Variants in DACH2 observed in about 807,000 individuals in gnomAD.
DACH2 encodes the protein dachshund homolog 2.
A neutral mutation model predicts 35.8 loss-of-function variants in DACH2; 17 were observed. That is an observed-to-expected ratio of 0.48 (90% CI 0.33 to 0.71). The LOEUF (loss-of-function observed/expected upper bound fraction) is 0.71. Ranked by LOEUF, DACH2 falls within the 30% of genes least tolerant of loss-of-function variation. The pLI, the probability that DACH2 is intolerant of heterozygous loss-of-function variation, is 0.02. For synonymous variants in DACH2, 195 were observed against 177.3 expected (o/e 1.10, Z -0.79); for missense variants, 469 against 472.7 (o/e 0.99, Z 0.07).
intron 1 of DACH2, among the ~76,000 whole-genome samples, chrX:86,335,046 T>C (rs985541326): frequency 8.9e-6 from 1 of 111,851 alleles, no homozygotes; most frequent in Non-Finnish European, 1.9e-5. Flanking sequence ...TTTGATCAGG[T>C]TTGTCAAAGA....
chrX:86,209,565 C>G (rs568620062), intron 1 of DACH2, among the ~76,000 whole-genome samples: 4 of 111,585 alleles, frequency 3.6e-5, no homozygotes, highest in South Asian at 7.5e-4. Context: ...CTCAGGATAT[C>G]CTCATTGTTT....
intron 1 of DACH2, among the ~76,000 whole-genome samples, chrX:86,224,758 C>T (rs1361460966): frequency 9.0e-6 from 1 of 111,323 alleles, no homozygotes; most frequent in Non-Finnish European, 1.9e-5. Flanking sequence ...TCATTTTACA[C>T]AGCTTAAGAA....
intron 3 of DACH2, among the ~76,000 whole-genome samples, chrX:86,549,346 A>G (rs1210016829): frequency 9.0e-6 from 1 of 111,462 alleles, no homozygotes; most frequent in Non-Finnish European, 1.9e-5. Flanking sequence ...AGCACAGTTT[A>G]GATCCATAAG....
At chrX:86,313,787 C>T (rs186334391) in intron 1 of DACH2, among the ~76,000 whole-genome samples, 1 of 111,575 alleles carries the variant, frequency 9.0e-6, no homozygotes, top group African/African-American at 3.3e-5. Flanking sequence ...TTGGACTTCA[C>T]TTTATTGTGC....
chrX:86,707,986 T>G lies in DACH2; in HGVS notation c.932-6562T>G, dbSNP rs770709444. ...CAAGTATGCAACGGTAGCTCAACAT[T>G]GGAAAATCAATTGATGTAATCTATT... On this transcript the variant is annotated intron_variant, in intron 5 of 11. Coordinates refer to ENST00000373125, the MANE Select transcript of DACH2 (RefSeq NM_053281.3). 2.9e-5 allele frequency among the ~76,000 whole-genome samples: 3 copies of G among 104,991 alleles called. No individual in the cohort carries two copies. In the South Asian group the frequency reaches 1.2e-3, roughly 44 times the overall value. 91.2% of individuals were successfully genotyped at this position (104,991 alleles called of 115,157 possible).
chrX:86,290,405 G>T (rs1219826248), intron 1 of DACH2, among the ~76,000 whole-genome samples: 1 of 62,824 alleles, frequency 1.6e-5, no homozygotes, highest in Non-Finnish European at 2.8e-5. Context: ...TTCTTTTGCT[G>T]TGCAGAAGCT....
intron 2 of DACH2, among the ~76,000 whole-genome samples, chrX:86,409,776 G>A (rs1039782701): frequency 8.9e-6 from 1 of 112,068 alleles, no homozygotes; most frequent in Non-Finnish European, 1.9e-5. Context: ...GGATCATATA[G>A]CAAATGTAGG....
intron 1 of DACH2, among the ~76,000 whole-genome samples, chrX:86,203,035 T>G (rs2032196629): frequency 9.0e-6 from 1 of 111,177 alleles, no homozygotes; most frequent in Admixed American, 9.6e-5. Flanking sequence ...TTTGGGAGCA[T>G]TAAATTCACT....
At chrX:86,640,937 A>G (rs775486277) in intron 3 of DACH2, among the ~76,000 whole-genome samples, 3 of 112,248 alleles carry the variant, frequency 2.7e-5, no homozygotes, top group Non-Finnish European at 5.6e-5. Flanking sequence ...ACATCCAAAA[A>G]AGAAGTCTAT....
At chrX:86,826,094 T>TAAG (rs1173246356) in intron 11 of DACH2, among the ~76,000 whole-genome samples, 2 of 111,482 alleles carry the variant, frequency 1.8e-5, no homozygotes, top group African/African-American at 6.5e-5. Flanking sequence ...ATTTGGCCTA[T>TAAG]AAGTGATGTG....
chrX:86,487,541 A>G (rs948260841), intron 2 of DACH2, among the ~76,000 whole-genome samples: 3 of 111,380 alleles, frequency 2.7e-5, no homozygotes, highest in Admixed American at 9.6e-5. Context: ...TAGTGGATAG[A>G]GCTTCTTTGC....
chrX:86,605,951 A>C (rs2039852546), intron 3 of DACH2, among the ~76,000 whole-genome samples: 1 of 110,580 alleles, frequency 9.0e-6, no homozygotes, highest in Non-Finnish European at 1.9e-5. Flanking sequence ...TCCTTTGTTC[A>C]TGCTGTTTTT....
At chrX:86,701,848 A>G (rs994591955) in intron 5 of DACH2, among the ~76,000 whole-genome samples, 2 of 111,156 alleles carry the variant, frequency 1.8e-5, no homozygotes, top group African/African-American at 6.5e-5. Context: ...AAAACAACAG[A>G]CACTTGGGCC....
At chrX:86,359,341 A>C (rs1569362647) in intron 1 of DACH2, among the ~76,000 whole-genome samples, 1 of 111,701 alleles carries the variant, frequency 9.0e-6, no homozygotes, top group African/African-American at 3.3e-5. Flanking sequence ...GATACTATAC[A>C]TTAAAAATAG....
intron 2 of DACH2, among the ~76,000 whole-genome samples, chrX:86,498,078 C>T (rs767530939): frequency 2.7e-5 from 3 of 111,404 alleles, no homozygotes; most frequent in South Asian, 7.6e-4. Flanking sequence ...AAAAAAATTA[C>T]CATTACTCTG....
chrX:86,820,255 A>G lies in DACH2; in HGVS notation c.1750+4156A>G, dbSNP rs61634352. Among the ~76,000 whole-genome samples the G allele has an allele frequency of 9.0e-3, 1,008 of 111,969 alleles. 4 individuals are homozygous for G. Among genetic ancestry groups the G allele is most frequent in the African/African-American group, 0.031 (965 of 30,961 alleles). ...ATGTCAATTTCTGTGAATAATTTTT[A>G]CATTTTATTTTATGTATACATGTTT... On this transcript the variant is annotated intron_variant, in intron 11 of 11. Transcript: ENST00000373125.
At chrX:86,677,571 G>A (rs5923588) in intron 4 of DACH2, among the ~76,000 whole-genome samples, 1 of 111,073 alleles carries the variant, frequency 9.0e-6, no homozygotes, top group African/African-American at 3.3e-5. Flanking sequence ...GTATTTGGAG[G>A]TGGATATTAG....
chrX:86,418,094 T>C (rs1185798004), intron 2 of DACH2, among the ~76,000 whole-genome samples: 2 of 112,373 alleles, frequency 1.8e-5, no homozygotes, highest in African/African-American at 6.5e-5. Context: ...GTCACACTGA[T>C]GCAAAAGGTG....
intron 7 of DACH2, among the ~76,000 whole-genome samples, chrX:86,746,242 G>T (rs746105204): frequency 9.0e-6 from 1 of 111,270 alleles, no homozygotes; most frequent in Non-Finnish European, 1.9e-5. Context: ...GTTGACTTGT[G>T]TTTTCATTTC....
Sources: allele counts gnomAD v4.1 joint callset (sites outside exome capture counted in the v4.1 genomes callset), GRCh38; gene constraint gnomAD v4.1.1; transcripts MANE v1.5; gene names NCBI Gene and HGNC (gene_info 2026-07-23, HGNC 2026-07-21).